The following LMNTD1 variants were observed in gnomAD, a reference collection of about 807,000 sequenced individuals.
LMNTD1 encodes the protein lamin tail domain-containing protein 1.
LMNTD1 carries 35 observed loss-of-function variants against 50.9 expected under a neutral mutation model. The observed-to-expected ratio is 0.69, with a 90% CI of 0.53 to 0.91. LMNTD1 has a LOEUF of 0.91. Among genes scored for constraint, LMNTD1 ranks in the 40% least tolerant of loss-of-function variants. LMNTD1 has a pLI of 0.00. For missense variants in LMNTD1, 470 were observed against 475.5 expected (o/e 0.99, Z 0.11); for synonymous variants, 153 against 161.9 (o/e 0.94, Z 0.42).
intron 9 of LMNTD1, among the ~76,000 whole-genome samples, chr12:25,484,872 T>C (rs1938570317): frequency 6.8e-6 from 1 of 146,530 alleles, no homozygotes; most frequent in South Asian, 2.3e-4. Flanking sequence ...CCATGGTGTA[T>C]ATGTGCCACA....
intron 2 of LMNTD1, 45 bp from the exon 3 acceptor site, chr12:25,549,591 A>C: frequency 7.9e-6 from 9 of 1,139,730 alleles, no homozygotes; most frequent in Non-Finnish European, 1.1e-5. Context: ...AAGAAAGTAA[A>C]AGTGGCTGTG....
rs531600382 is a variant in LMNTD1 at position 25,602,153 on chromosome 12, A to C, written c.58+46341T>G. ...AAAGAAGGGGTACTGACTGGGCCAT[A>C]ATTTAGTATCTTTTAGCCTCTTCAT... is the stretch of plus-strand genomic sequence containing the variant. On this transcript the variant is annotated intron_variant, in intron 1 of 7. Coordinates refer to the LMNTD1 transcript ENST00000445693. 2.0e-5 allele frequency among the ~76,000 whole-genome samples: 3 copies of C among 151,992 alleles called. No individual in the cohort carries two copies. The East Asian group carries it at 5.8e-4, about 29-fold the overall frequency.
chr12:25,492,888 T>C, intron 9 of LMNTD1, among the ~76,000 whole-genome samples: 1 of 152,218 alleles, frequency 6.6e-6, no homozygotes, highest in East Asian at 1.9e-4. Flanking sequence ...TCTACTTTTC[T>C]GGACTCATCT....
intron 1 of LMNTD1, among the ~76,000 whole-genome samples, chr12:25,583,152 G>T (rs1945376315): frequency 6.6e-6 from 1 of 151,172 alleles, no homozygotes; most frequent in Non-Finnish European, 1.5e-5. Flanking sequence ...CTCCCGAGTA[G>T]CTGGGACTAC....
intron 1 of LMNTD1, among the ~76,000 whole-genome samples, chr12:25,568,713 T>C (rs566251468): frequency 2.6e-5 from 4 of 152,314 alleles, no homozygotes; most frequent in Admixed American, 1.3e-4. Context: ...TGGCTCAAAG[T>C]GCCCCAGATA....
At chr12:25,478,786 C>G (rs955039035) in intron 9 of LMNTD1, among the ~76,000 whole-genome samples, 2 of 151,378 alleles carry the variant, frequency 1.3e-5, no homozygotes, top group Non-Finnish European at 2.9e-5. Context: ...AACTCTGTCT[C>G]AAGAAAAAAA....
intron 4 of LMNTD1, among the ~76,000 whole-genome samples, chr12:25,543,160 C>T (rs1398312544): frequency 1.1e-4 from 17 of 151,764 alleles, no homozygotes; most frequent in Non-Finnish European, 4.4e-5. Flanking sequence ...ATTCCAGGCC[C>T]AGATGGCTTC....
intron 1 of LMNTD1, among the ~76,000 whole-genome samples, chr12:25,574,348 T>C (rs982201443): frequency 3.9e-5 from 6 of 152,172 alleles, no homozygotes; most frequent in Admixed American, 3.9e-4. Flanking sequence ...CAGTGACCCT[T>C]GCCCTCCCCC....
chr12:25,605,382 A>G (rs950600491), intron 1 of LMNTD1, among the ~76,000 whole-genome samples: 13 of 152,204 alleles, frequency 8.5e-5, no homozygotes, highest in African/African-American at 2.9e-4. Context: ...TTTTGTTGCC[A>G]TTGCTTTCGG....
chr12:25,591,462 T>C (rs1480285042), intron 1 of LMNTD1, among the ~76,000 whole-genome samples: 1 of 151,896 alleles, frequency 6.6e-6, no homozygotes, highest in African/African-American at 2.4e-5. Flanking sequence ...CTGTGTCTTG[T>C]GGTTTGAGTG....
intron 1 of LMNTD1, among the ~76,000 whole-genome samples, chr12:25,635,723 T>C (rs542145739): frequency 1.8e-4 from 28 of 152,308 alleles, no homozygotes; most frequent in Non-Finnish European, 3.8e-4. Flanking sequence ...TCACACTACC[T>C]GATTTCAAAC....
chr12:25,592,620 CG>C (rs1237277257), intron 1 of LMNTD1: 2 of 152,678 alleles, frequency 1.3e-5, no homozygotes, highest in Non-Finnish European at 2.9e-5. Flanking sequence ...GTCCTTGGGG[CG>C]GGGGGCAGTC....
At chr12:25,541,051 A>G (rs539650363) in intron 4 of LMNTD1, among the ~76,000 whole-genome samples, 46 of 116,030 alleles carry the variant, frequency 4.0e-4, no homozygotes, top group Middle Eastern at 3.9e-3. Flanking sequence ...GGAGAACTAC[A>G]AACCGCTGCT....
In LMNTD1 at chr12:25,549,564, A is replaced by G; in HGVS notation, c.90-18T>C. On this transcript the variant is annotated intron_variant, in intron 2 of 9. Transcript: ENST00000458174. Reference sequence around the variant, plus strand: ...CTTCTCTTCTGTGTACAAAAAATATAATATAAATAAATAAATAAGAAAGTA... The same window carrying G: ...CTTCTCTTCTGTGTACAAAAAATATGATATAAATAAATAAATAAGAAAGTA... 1 of 1,289,664 alleles carries G rather than the reference A, an allele frequency of 7.8e-7. No individual in the cohort carries two copies. The highest frequency in any genetic ancestry group is 1.1e-6 in the Non-Finnish European group (1 of 937,086). The allele number at this position is 1,289,664 out of a possible 1,614,324, so 79.9% of individuals were successfully genotyped here.
chr12:25,486,412 G>A (rs200225712), intron 9 of LMNTD1, among the ~76,000 whole-genome samples: 22,946 of 150,262 alleles, frequency 0.15, 2,432 homozygotes, highest in East Asian at 0.49. Flanking sequence ...GGGCTGAGAC[G>A]ATGGGGTTTT....
intron 1 of LMNTD1, among the ~76,000 whole-genome samples, chr12:25,577,537 C>T (rs1008991991): frequency 3.3e-5 from 5 of 152,014 alleles, no homozygotes; most frequent in Non-Finnish European, 7.4e-5. Context: ...TGATTTTGTA[C>T]CCTGAGACTT....
chr12:25,557,973 A>G (rs1944110321), upstream of LMNTD1, among the ~76,000 whole-genome samples: 2 of 152,218 alleles, frequency 1.3e-5, no homozygotes, highest in Admixed American at 6.5e-5. Flanking sequence ...AAACAGGATA[A>G]AGGCAGTCAT....
chr12:25,632,189 T>C (rs944077867), intron 1 of LMNTD1, among the ~76,000 whole-genome samples: 1 of 152,206 alleles, frequency 6.6e-6, no homozygotes, highest in Non-Finnish European at 1.5e-5. Flanking sequence ...TTGGTATTCC[T>C]GAGGAAGAAG....
chr12:25,641,100 T>C (rs1038647114), intron 1 of LMNTD1, among the ~76,000 whole-genome samples: 1 of 152,248 alleles, frequency 6.6e-6, no homozygotes, highest in African/African-American at 2.4e-5. Flanking sequence ...CTGCAACTAA[T>C]ACTGTGTTTG....
Sources: gnomAD v4.1 joint callset for allele counts (sites outside exome capture counted in the v4.1 genomes callset) on GRCh38, gnomAD v4.1.1 for gene constraint, MANE v1.5 for transcripts, NCBI Gene and HGNC (gene_info 2026-07-23, HGNC 2026-07-21) for gene names.